C1orf174: variants seen among roughly 807,000 people sequenced by gnomAD.
The protein encoded by C1orf174 is chromosome 1 open reading frame 174.
In C1orf174, 13 loss-of-function variants were observed where a neutral mutation model predicts 18.4. The observed-to-expected ratio is 0.71, with a 90% CI of 0.46 to 1.12. The LOEUF (loss-of-function observed/expected upper bound fraction) is 1.12, where lower values mean the gene tolerates loss of function less well. Ranked by LOEUF, C1orf174 falls within the 50% of genes most tolerant of loss-of-function variation. C1orf174 has a pLI of 0.00. For synonymous variants in C1orf174, 100 were observed against 118.3 expected (o/e 0.85, Z 1.01); for missense variants, 309 against 308.0 (o/e 1.00, Z -0.02).
chr1:3,890,564 C>T lies in C1orf174; in HGVS notation c.618+5G>A. On this transcript the variant is annotated splice_donor_5th_base_variant and intron_variant, in intron 3 of 3. Coordinates refer to ENST00000361605, the MANE Select transcript of C1orf174 (RefSeq NM_207356.3). ...CCCACGGGAGGAGGAAGGCGCCGCT[C>T]TTACCTGCATGAGCTCAACGTTTCC... 6.2e-7 allele frequency: 1 copy of T among 1,613,772 alleles called. No homozygotes were observed. Among genetic ancestry groups the T allele is most frequent in the Non-Finnish European group, 8.5e-7 (1 of 1,179,882 alleles).
Position 3,897,379 on chromosome 1 carries a change from C to T in C1orf174, c.15+2793G>A, listed in dbSNP as rs149980212. 5.3e-4 allele frequency among the ~76,000 whole-genome samples: 81 copies of T among 152,110 alleles called. 1 individual carries two copies. Among genetic ancestry groups the T allele is most frequent in the African/African-American group, 1.9e-3 (80 of 41,498 alleles). ...ATTCTGGAGTAGAAAAGTACAAAAC[C>T]TGAAATAACAAAATTCACTAGAAGG... On this transcript the variant is annotated intron_variant, in intron 1 of 3. Coordinates refer to ENST00000361605, the MANE Select transcript of C1orf174 (RefSeq NM_207356.3).
chr1:3,897,581 G>A (rs775112544), intron 1 of C1orf174, among the ~76,000 whole-genome samples: 14 of 152,198 alleles, frequency 9.2e-5, no homozygotes, highest in Non-Finnish European at 1.3e-4. Flanking sequence ...CAGGAATGCA[G>A]AGAGAAAGGA....
Position 3,894,468 on chromosome 1 carries a change from G to A in C1orf174, c.16-1472C>T, listed in dbSNP as rs111883465. The stretch of plus-strand genomic sequence containing the variant: ...TAAAAATACAAAAAATTAGCCGGGC[G>A]TGGTGGTGGGCGCCTGTAGTCCCAG... On this transcript the variant is annotated intron_variant, in intron 1 of 3. Transcript: ENST00000361605. Among the ~76,000 whole-genome samples, 13 of 151,942 alleles carry A rather than the reference G, an allele frequency of 8.6e-5. 1 individual carries two copies. The highest frequency in any genetic ancestry group is 2.4e-4 in the African/African-American group (10 of 41,448).
chr1:3,889,276 G>A lies in C1orf174; in HGVS notation c.*684C>T, dbSNP rs1345825300. The A allele has an allele frequency of 6.6e-6, 1 of 152,090 alleles. No individual in the cohort carries two copies. The allele number at this position is 152,090 out of a possible 1,614,324, so 9.4% of individuals were successfully genotyped here. ...CAAGAATCATCAAATTATGATAATGGAAAACAAACTTGCCTATGACCAAAG... is the reference window on the plus strand; with the variant it reads ...CAAGAATCATCAAATTATGATAATGAAAAACAAACTTGCCTATGACCAAAG... On this transcript the variant is annotated 3_prime_UTR_variant, in exon 4 of 4. Coordinates refer to ENST00000361605, the MANE Select transcript of C1orf174 (RefSeq NM_207356.3).
At position 3,890,763 on chromosome 1, in the gene C1orf174, G is replaced by C; in HGVS notation, c.424C>G (p.Pro142Ala). 7 of 1,613,962 alleles carry C rather than the reference G, an allele frequency of 4.3e-6. No individual in the cohort carries two copies. Among genetic ancestry groups the C allele is most frequent in the Non-Finnish European group, 5.1e-6 (6 of 1,180,010 alleles). ...GCTCCGGACCCGGCACTGTGTTTTG[G>C]CACGGACAGGCCATCTCTAGTCTTT... ...LAKTRDGLSV[P>A]KHSAGSGAEE... The change falls in exon 3 of 4, where the codon CCA becomes GCA. Residue 142 changes from proline (P) to alanine (A), a missense_variant. Pro to Ala is a conservative substitution (Grantham distance 27, BLOSUM62 -1). Transcript: ENST00000361605.
intron 1 of C1orf174, among the ~76,000 whole-genome samples, chr1:3,899,663 C>A (rs1638671206): frequency 6.6e-6 from 1 of 152,256 alleles, no homozygotes; most frequent in African/African-American, 2.4e-5. Context: ...CTAGCACTAC[C>A]AGGAGTTGAA....
chr1:3,899,689 G>A (rs1638671704), intron 1 of C1orf174, among the ~76,000 whole-genome samples: 1 of 152,208 alleles, frequency 6.6e-6, no homozygotes, highest in South Asian at 2.1e-4. Flanking sequence ...TTCTGGAGAG[G>A]GTGCCCCACC....
At chr1:3,896,853 C>T (rs1423541692) in intron 1 of C1orf174, among the ~76,000 whole-genome samples, 2 of 152,162 alleles carry the variant, frequency 1.3e-5, no homozygotes, top group African/African-American at 4.8e-5. Flanking sequence ...CTGGCATTAG[C>T]GAAGTTCAAC....
At position 3,891,066 on chromosome 1, in the gene C1orf174, A is replaced by C; in HGVS notation, c.130-9T>G. 6.4e-7 allele frequency: 1 copy of C among 1,553,518 alleles called. No individual in the cohort carries two copies. The highest frequency in any genetic ancestry group is 8.7e-7 in the Non-Finnish European group (1 of 1,143,062). ...TTGTGGGATGAGGAAGTCTGTCAAG[A>C]AAAAAAATGTAAGGGGAACCAGACA... is the stretch of plus-strand genomic sequence containing the variant. On this transcript the variant is annotated splice_polypyrimidine_tract_variant and intron_variant, in intron 2 of 3. Coordinates refer to ENST00000361605, the MANE Select transcript of C1orf174 (RefSeq NM_207356.3).
At chr1:3,900,024 C>A (rs111352270) in intron 1 of C1orf174, 148 bp downstream of exon 1, 29 of 637,598 alleles carry the variant, frequency 4.5e-5, no homozygotes, top group Non-Finnish European at 5.9e-5. Context: ...TGGCCTGGAG[C>A]CCCCCAACTA....
chr1:3,890,142 C>T lies in C1orf174; in HGVS notation c.619-69G>A, dbSNP rs1638477833. On this transcript the variant is annotated intron_variant, in intron 3 of 3. Coordinates refer to ENST00000361605, the MANE Select transcript of C1orf174 (RefSeq NM_207356.3). ...ATCTGCACCCGCATTTGCAATGTGC[C>T]CCACCCAGCGGCTCTAGGGCTCGCA... 16 of 1,281,366 alleles carry T rather than the reference C, an allele frequency of 1.2e-5. No homozygotes were observed. In the Admixed American group the frequency reaches 2.2e-4, roughly 18 times the overall value. The allele number at this position is 1,281,366 out of a possible 1,614,324, so 79.4% of individuals were successfully genotyped here. A position where few individuals can be genotyped will look rare whatever the true frequency, so the allele number is the denominator to read the frequency against.
At chr1:3,890,510 G>C (rs748874598) in intron 3 of C1orf174, 59 bp downstream of exon 3, 109 of 1,593,458 alleles carry the variant, frequency 6.8e-5, no homozygotes, top group Middle Eastern at 1.7e-4. Flanking sequence ...GGGAGTGTGT[G>C]ACCTGAATGT....
chr1:3,890,437 T>G, intron 3 of C1orf174, 132 bp downstream of exon 3: 1 of 1,276,816 alleles, frequency 7.8e-7, no homozygotes, highest in Non-Finnish European at 1.1e-6. Flanking sequence ...TTTCTCCTCG[T>G]GGGTTAAAAT....
At chr1:3,898,546 C>CAA (rs1431402971) in intron 1 of C1orf174, among the ~76,000 whole-genome samples, 3 of 151,728 alleles carry the variant, frequency 2.0e-5, no homozygotes, top group Non-Finnish European at 4.4e-5. Context: ...ACAACAACAA[C>CAA]AACAACAAAA....
chr1:3,895,180 C>T (rs1181244890), intron 1 of C1orf174: 1 of 152,368 alleles, frequency 6.6e-6, no homozygotes, highest in East Asian at 1.9e-4. Flanking sequence ...GGTGCCTGAA[C>T]AGCTTTAAAG....
At chr1:3,895,477 T>C (rs1638590239) in intron 1 of C1orf174, 1 of 152,250 alleles carries the variant, frequency 6.6e-6, no homozygotes, top group African/African-American at 2.4e-5. Flanking sequence ...GTGGACCTTT[T>C]GGCCCCTTCT....
intron 1 of C1orf174, 149 bp downstream of exon 1, chr1:3,900,022 AG>A: frequency 1.1e-6 from 1 of 903,280 alleles, no homozygotes; most frequent in Non-Finnish European, 1.5e-6. Flanking sequence ...CGTGGCCTGG[AG>A]CCCCCCAACT....
intron 1 of C1orf174, among the ~76,000 whole-genome samples, chr1:3,895,116 C>G (rs1359527175): frequency 1.3e-5 from 2 of 152,214 alleles, no homozygotes; most frequent in Non-Finnish European, 2.9e-5. Context: ...GTGAGCCCTC[C>G]TCCGGGCGCT....
intron 2 of C1orf174, chr1:3,891,836 G>A (rs1017165331): frequency 9.1e-6 from 9 of 984,214 alleles, no homozygotes; most frequent in African/African-American, 7.0e-5. Flanking sequence ...ACACACACAC[G>A]GGTGGGCAGG....
Sources: allele counts gnomAD v4.1 joint callset (sites outside exome capture counted in the v4.1 genomes callset), GRCh38; gene constraint gnomAD v4.1.1; transcripts MANE v1.5; gene names NCBI Gene and HGNC (gene_info 2026-07-23, HGNC 2026-07-21).